Variants in STK33 observed in about 807,000 individuals in gnomAD.
STK33 encodes the protein serine/threonine kinase 33.
In STK33, 52 loss-of-function variants were observed where a neutral mutation model predicts 58.0. The observed-to-expected ratio is 0.90, with a 90% CI of 0.72 to 1.13. STK33 has a LOEUF of 1.13. Among genes scored for constraint, STK33 ranks in the 50% most tolerant of loss-of-function variants. The pLI, the probability that STK33 is intolerant of heterozygous loss-of-function variation, is 0.00. For synonymous variants in STK33, 215 were observed against 200.1 expected (o/e 1.07, Z -0.63); for missense variants, 630 against 604.2 (o/e 1.04, Z -0.45).
chr11:8,336,554 G>T, the STK33 span, among the ~76,000 whole-genome samples: 8,725 of 152,302 alleles, frequency 0.057, 322 homozygotes, highest in Non-Finnish European at 0.082. Context: ...GTGAACAGCC[G>T]AGGTAAGGAA....
At chr11:8,373,703 G>T in the STK33 span, among the ~76,000 whole-genome samples, 2 of 152,138 alleles carry the variant, frequency 1.3e-5, no homozygotes, top group African/African-American at 2.4e-5. Flanking sequence ...TCTTCACAGC[G>T]GGATCATCCC....
intron 9 of STK33, 150 bp from the exon 10 acceptor site, chr11:8,454,982 A>C: frequency 1.2e-6 from 1 of 815,410 alleles, no homozygotes; most frequent in Non-Finnish European, 1.7e-6. Flanking sequence ...TCTCTCATTT[A>C]TAAATGCTTC....
the STK33 span, among the ~76,000 whole-genome samples, chr11:8,356,180 T>C: frequency 6.6e-6 from 1 of 152,228 alleles, no homozygotes; most frequent in South Asian, 2.1e-4. Context: ...TTACAGGAGG[T>C]GTGCAGGAAT....
At chr11:8,455,099 G>A (rs1946689813) in intron 9 of STK33, among the ~76,000 whole-genome samples, 1 of 152,202 alleles carries the variant, frequency 6.6e-6, no homozygotes, top group African/African-American at 2.4e-5. Context: ...CCTGGGGAGT[G>A]TGAAGGAGGA....
chr11:8,410,627 T>A (rs1195685372), intron 15 of STK33, among the ~76,000 whole-genome samples: 1 of 152,048 alleles, frequency 6.6e-6, no homozygotes, highest in Non-Finnish European at 1.5e-5. Context: ...TGATTGCCAC[T>A]GTGCCCAGCT....
intron 8 of STK33, among the ~76,000 whole-genome samples, chr11:8,459,666 A>AG (rs1259931951): frequency 5.3e-5 from 8 of 152,028 alleles, no homozygotes; most frequent in Non-Finnish European, 1.0e-4. Flanking sequence ...CAGAAGAGGG[A>AG]GAGGGAATCC....
At chr11:8,404,712 A>T (rs189476971) in intron 15 of STK33, among the ~76,000 whole-genome samples, 2 of 152,290 alleles carry the variant, frequency 1.3e-5, no homozygotes, top group East Asian at 3.9e-4. Context: ...TTGTTTACTC[A>T]TTCTTCTGTT....
At chr11:8,450,874 C>G (rs1946191588) in intron 11 of STK33, among the ~76,000 whole-genome samples, 1 of 152,094 alleles carries the variant, frequency 6.6e-6, no homozygotes, top group Non-Finnish European at 1.5e-5. Flanking sequence ...ATACGATTAT[C>G]TCAATAGGTA....
chr11:8,502,507 A>G (rs2139167183), intron 1 of STK33, among the ~76,000 whole-genome samples: 1 of 152,306 alleles, frequency 6.6e-6, no homozygotes, highest in Non-Finnish European at 1.5e-5. Context: ...ACTTAAATGT[A>G]AAACCCAAAA....
At chr11:8,403,750 C>A (rs999373981) in intron 15 of STK33, among the ~76,000 whole-genome samples, 1 of 152,136 alleles carries the variant, frequency 6.6e-6, no homozygotes, top group South Asian at 2.1e-4. Flanking sequence ...AAAGGGGGCT[C>A]CATGTGTGCA....
intron 14 of STK33, among the ~76,000 whole-genome samples, chr11:8,420,959 G>T (rs555074713): frequency 6.6e-6 from 1 of 151,232 alleles, no homozygotes; most frequent in Admixed American, 6.6e-5. Flanking sequence ...TGCCAGCCTG[G>T]GTAACAGAGC....
At chr11:8,431,977 C>T (rs931531882) in intron 14 of STK33, among the ~76,000 whole-genome samples, 4 of 152,104 alleles carry the variant, frequency 2.6e-5, no homozygotes, top group South Asian at 2.1e-4. Context: ...TTCTTCCTTG[C>T]GTTAAATCTT....
chr11:8,358,180 C>T, the STK33 span, among the ~76,000 whole-genome samples: 18 of 152,182 alleles, frequency 1.2e-4, no homozygotes, highest in African/African-American at 3.6e-4. Flanking sequence ...CACCAGTGGC[C>T]GCAGAGCCGG....
the STK33 span, among the ~76,000 whole-genome samples, chr11:8,354,502 A>ACACACACACACACACACACACACG: frequency 6.9e-6 from 1 of 144,104 alleles, no homozygotes; most frequent in Non-Finnish European, 1.6e-5. Flanking sequence ...ACACACACAC[A>ACACACACACACACACACACACACG]CACACACACA....
In STK33 at chr11:8,454,738, TCTTAC is replaced by T. The variant is rs748836280; in HGVS notation, c.786+1_786+5del. 6.4e-7 allele frequency: 1 copy of T among 1,567,386 alleles called. No individual in the cohort carries two copies. The stretch of plus-strand genomic sequence containing the variant: ...GGCAAATATTTACCACCATTGCTAA[TCTTAC>T]CTTTATGTTTAAGTTTATTTCATTG... On this transcript the variant is annotated splice_donor_variant and splice_donor_5th_base_variant and intron_variant, in intron 10 of 15. Transcript: ENST00000687296. LOFTEE classifies it high-confidence loss of function.
At chr11:8,365,293 T>C in the STK33 span, among the ~76,000 whole-genome samples, 5 of 152,094 alleles carry the variant, frequency 3.3e-5, no homozygotes, top group Non-Finnish European at 7.4e-5. Flanking sequence ...AGCAAATTCC[T>C]CCACTCTCAC....
At chr11:8,543,305 T>A (rs1955666307) in intron 1 of STK33, among the ~76,000 whole-genome samples, 1 of 152,242 alleles carries the variant, frequency 6.6e-6, no homozygotes. Context: ...TATTTTTAAC[T>A]ATGGGAATTA....
intron 1 of STK33, among the ~76,000 whole-genome samples, chr11:8,562,230 T>C (rs1957160377): frequency 6.6e-6 from 1 of 152,230 alleles, no homozygotes; most frequent in Non-Finnish European, 1.5e-5. Flanking sequence ...TCATTTATGT[T>C]CATTTGATTC....
At chr11:8,516,209 T>C (rs534402208) in intron 1 of STK33, among the ~76,000 whole-genome samples, 36 of 152,240 alleles carry the variant, frequency 2.4e-4, no homozygotes, top group African/African-American at 8.4e-4. Flanking sequence ...AAGATAAACA[T>C]ATTGACTAAT....
Sources: allele counts gnomAD v4.1 joint callset (sites outside exome capture counted in the v4.1 genomes callset), GRCh38; gene constraint gnomAD v4.1.1; transcripts MANE v1.5; gene names NCBI Gene and HGNC (gene_info 2026-07-23, HGNC 2026-07-21).